PXDNL: variants seen among roughly 807,000 people sequenced by gnomAD.
PXDNL encodes probable oxidoreductase PXDNL.
PXDNL carries 145 observed loss-of-function variants against 150.8 expected under a neutral mutation model. The ratio of observed to expected loss-of-function variants is 0.96; its 90% CI spans 0.84 to 1.10. The LOEUF is 1.10. Among genes scored for constraint, PXDNL ranks in the 50% least tolerant of loss-of-function variants. PXDNL has a pLI of 0.00. For missense variants in PXDNL, 2,087 were observed against 1,873.9 expected, an observed-to-expected ratio of 1.11 and a Z score of -2.10; for synonymous variants, 757 against 725.7, an observed-to-expected ratio of 1.04 and a Z score of -0.69.
At chr8:51,476,251 G>A (rs1648270576) in intron 6 of PXDNL, among the ~76,000 whole-genome samples, 1 of 152,228 alleles carries the variant, frequency 6.6e-6, no homozygotes, top group Admixed American at 6.5e-5. Context: ...GCTGCCCAAA[G>A]GAGGCTTATA....
intron 21 of PXDNL, among the ~76,000 whole-genome samples, chr8:51,332,018 A>C (rs779884382): frequency 3.3e-5 from 5 of 152,106 alleles, no homozygotes; most frequent in Non-Finnish European, 7.4e-5. Flanking sequence ...GCAGGAGGTC[A>C]ACCAGCACAA....
chr8:51,362,042 T>C (rs1003063812), intron 19 of PXDNL, among the ~76,000 whole-genome samples: 2 of 151,530 alleles, frequency 1.3e-5, no homozygotes, highest in African/African-American at 4.8e-5. Flanking sequence ...CAAAAGCTTC[T>C]AAAAAGATTT....
chr8:51,660,096 G>T (rs574413868), intron 1 of PXDNL, among the ~76,000 whole-genome samples: 22 of 152,022 alleles, frequency 1.4e-4, no homozygotes, highest in Non-Finnish European at 2.9e-4. Context: ...CACCATGTTG[G>T]CCAGGCTGGT....
intron 10 of PXDNL, among the ~76,000 whole-genome samples, chr8:51,451,630 T>C (rs536107283): frequency 2.0e-5 from 3 of 152,332 alleles, no homozygotes; most frequent in South Asian, 2.1e-4. Flanking sequence ...GTGATTCATA[T>C]CTTTCATTGA....
At chr8:51,406,477 AAT>A (rs1429723837) in intron 17 of PXDNL, among the ~76,000 whole-genome samples, 3 of 152,116 alleles carry the variant, frequency 2.0e-5, no homozygotes, top group African/African-American at 4.8e-5. Context: ...TTTAGAGTTA[AAT>A]ACGGAGTGAA....
chr8:51,788,515 C>T (rs2037480901), intron 1 of PXDNL, among the ~76,000 whole-genome samples: 1 of 152,214 alleles, frequency 6.6e-6, no homozygotes, highest in Admixed American at 6.5e-5. Context: ...GATGTATTTG[C>T]ACTTTAAGTC....
At chr8:51,474,692 G>A (rs1330472605) in intron 7 of PXDNL, among the ~76,000 whole-genome samples, 1 of 152,168 alleles carries the variant, frequency 6.6e-6, no homozygotes, top group Non-Finnish European at 1.5e-5. Flanking sequence ...TGGTGACCTT[G>A]TTGAAAATCA....
At chr8:51,471,710 G>C (rs1585499267) in intron 8 of PXDNL, among the ~76,000 whole-genome samples, 1 of 146,920 alleles carries the variant, frequency 6.8e-6, no homozygotes, top group East Asian at 2.0e-4. Context: ...TTTTTGAGAT[G>C]GAGTCTTGCT....
At chr8:51,453,873 T>C in intron 9 of PXDNL, 88 bp from the exon 10 acceptor site, 1 of 1,422,346 alleles carries the variant, frequency 7.0e-7, no homozygotes, top group Non-Finnish European at 9.5e-7. Flanking sequence ...AAGATTATTG[T>C]CATTTTCAAA....
chr8:51,526,174 A>G (rs1223040542), intron 4 of PXDNL, among the ~76,000 whole-genome samples: 1 of 152,110 alleles, frequency 6.6e-6, no homozygotes, highest in Non-Finnish European at 1.5e-5. Context: ...AGACAGGTGG[A>G]CGCATTCTTG....
At chr8:51,443,533 T>A (rs1168382398) in intron 12 of PXDNL, among the ~76,000 whole-genome samples, 1 of 152,200 alleles carries the variant, frequency 6.6e-6, no homozygotes, top group Non-Finnish European at 1.5e-5. Context: ...GGCTTACATG[T>A]AGCTATGCTT....
intron 1 of PXDNL, among the ~76,000 whole-genome samples, chr8:51,665,217 G>A (rs541880211): frequency 6.6e-5 from 10 of 152,268 alleles, no homozygotes; most frequent in East Asian, 1.9e-4. Flanking sequence ...GGCAGTTAGC[G>A]CAGTGGTTGG....
At chr8:51,761,025 ATT>A (rs71237238) in intron 1 of PXDNL, among the ~76,000 whole-genome samples, 5 of 114,454 alleles carry the variant, frequency 4.4e-5, no homozygotes, top group African/African-American at 7.2e-5. Context: ...CGCCCGGCTA[ATT>A]TTTTTTTTTT....
intron 17 of PXDNL, among the ~76,000 whole-genome samples, chr8:51,407,758 G>A (rs935204858): frequency 4.6e-5 from 7 of 152,066 alleles, no homozygotes; most frequent in Non-Finnish European, 7.4e-5. Context: ...TCAACAAAAG[G>A]GCCTTGCTTG....
intron 2 of PXDNL, among the ~76,000 whole-genome samples, chr8:51,647,578 C>G (rs1050377918): frequency 6.6e-6 from 1 of 152,120 alleles, no homozygotes; most frequent in Non-Finnish European, 1.5e-5. Context: ...AAAATTTCCC[C>G]AAATCACAAA....
At chr8:51,561,015 C>T (rs1372045237) in intron 3 of PXDNL, among the ~76,000 whole-genome samples, 4 of 151,514 alleles carry the variant, frequency 2.6e-5, no homozygotes, top group Admixed American at 2.6e-4. Context: ...AAGTGACCAA[C>T]AAGAATTCAC....
chr8:51,683,424 T>TC (rs1024023859), intron 1 of PXDNL, among the ~76,000 whole-genome samples: 1 of 151,722 alleles, frequency 6.6e-6, no homozygotes, highest in Non-Finnish European at 1.5e-5. Context: ...GATTTTTGCT[T>TC]CTTTTTGCTA....
chr8:51,460,770 G>A (rs759620619), intron 8 of PXDNL, among the ~76,000 whole-genome samples: 20 of 152,106 alleles, frequency 1.3e-4, no homozygotes, highest in Non-Finnish European at 1.9e-4. Flanking sequence ...ATCTGCCGGA[G>A]AGAAGGCAGA....
At chr8:51,665,852 C>A (rs1585659561) in intron 1 of PXDNL, among the ~76,000 whole-genome samples, 1 of 152,166 alleles carries the variant, frequency 6.6e-6, no homozygotes, top group East Asian at 1.9e-4. Context: ...ATACACCAAC[C>A]ATTTCATTCC....
Sources: gnomAD v4.1 joint callset for allele counts (sites outside exome capture counted in the v4.1 genomes callset) on GRCh38, gnomAD v4.1.1 for gene constraint, MANE v1.5 for transcripts, NCBI Gene and HGNC (gene_info 2026-07-23, HGNC 2026-07-21) for gene names.